TSPOAP1: variants seen among roughly 807,000 people sequenced by gnomAD.
TSPOAP1 encodes TSPO associated protein 1, also known as peripheral-type benzodiazepine receptor-associated protein 1.
In TSPOAP1, 87 loss-of-function variants were observed where a neutral mutation model predicts 197.0. That is an observed-to-expected ratio of 0.44 (90% CI 0.37 to 0.53). The LOEUF is 0.53. TSPOAP1 is among the 20% of genes least tolerant of loss of function. TSPOAP1 has a pLI of 0.00. For synonymous variants in TSPOAP1, 913 were observed against 998.9 expected, an observed-to-expected ratio of 0.91 and a Z score of 1.62; for missense variants, 2,174 against 2,411.3, an observed-to-expected ratio of 0.90 and a Z score of 2.06.
chr17:58,325,629 C>T lies in TSPOAP1; in HGVS notation c.655G>A (p.Glu219Lys). The T allele has an allele frequency of 1.2e-6, 2 of 1,613,622 alleles. No individual in the cohort carries two copies. The highest frequency in any genetic ancestry group is 1.7e-6 in the Non-Finnish European group (2 of 1,180,002). The change falls in exon 4 of 32, where the codon GAG becomes AAG. Residue 219 changes from glutamate to lysine, a missense_variant. Transcript: ENST00000343736. ...LARQRARDLS[E>K]TASALLAKDK... ...TTGGCCAGCAGTGCACTGGCTGTCT[C>T]ACTGAGGTCCCGGGCTCGCTGGCGG...
chr17:58,324,684 C>A lies in TSPOAP1; in HGVS notation c.942+127G>T. ...TGCCCAGGACGGGAAAGCTCCCCAGCCCCTGGGAGTGCGCACACCACCACT... is the reference window on the plus strand; with the variant it reads ...TGCCCAGGACGGGAAAGCTCCCCAGACCCTGGGAGTGCGCACACCACCACT... On this transcript the variant is annotated intron_variant, in intron 5 of 31. Coordinates refer to ENST00000343736, the MANE Select transcript of TSPOAP1 (RefSeq NM_004758.4). The surrounding 1 kb of genome is among the most constrained non-coding windows in gnomAD (Gnocchi z 5.8). The A allele has an allele frequency of 1.2e-6, 1 of 808,286 alleles. No homozygotes were observed. Among genetic ancestry groups the A allele is most frequent in the South Asian group, 2.9e-5 (1 of 34,186 alleles). The allele number at this position is 808,286 out of a possible 1,614,324, so 50.1% of individuals were successfully genotyped here.
At chr17:58,320,684 G>C in intron 10 of TSPOAP1, 103 bp from the exon 11 acceptor site, 1 of 888,098 alleles carries the variant, frequency 1.1e-6, no homozygotes, top group Non-Finnish European at 1.6e-6. Context: ...AGGCAGGGGA[G>C]GAAGAAGCCG....
At chr17:58,325,370 C>G (rs574455435) in intron 4 of TSPOAP1, 164 bp downstream of exon 4, 11 of 861,162 alleles carry the variant, frequency 1.3e-5, no homozygotes, top group Middle Eastern at 3.5e-4. Flanking sequence ...GGCTCCACCC[C>G]CTTCTCCCCT....
At chr17:58,325,055 C>T (rs1355217300) in intron 4 of TSPOAP1, 53 bp from the exon 5 acceptor site, 3 of 1,429,090 alleles carry the variant, frequency 2.1e-6, no homozygotes, top group Non-Finnish European at 2.8e-6. Context: ...TCCTTGCCCG[C>T]CCCATGCCAT....
intron 7 of TSPOAP1, 58 bp from the exon 8 acceptor site, chr17:58,323,097 C>G (rs1385591662): frequency 9.0e-6 from 14 of 1,554,864 alleles, no homozygotes; most frequent in Non-Finnish European, 1.2e-5. Flanking sequence ...CCCCTCTCCC[C>G]ACACAGAGGA....
chr17:58,308,095 C>G (rs990763692), intron 22 of TSPOAP1, among the ~76,000 whole-genome samples, 154 bp from the exon 23 acceptor site: 3 of 152,164 alleles, frequency 2.0e-5, no homozygotes, highest in Admixed American at 1.3e-4. Flanking sequence ...CTGGAGACCT[C>G]AGACACCCCC....
At position 58,327,655 on chromosome 17, in the gene TSPOAP1, T is replaced by A; in HGVS notation, c.266A>T (p.Gln89Leu). The A allele has an allele frequency of 6.2e-7, 1 of 1,613,684 alleles. No homozygotes were observed. Among genetic ancestry groups the A allele is most frequent in the East Asian group, 2.2e-5 (1 of 44,884 alleles). ...GGCGGGTCCAGAGCTGGATGCTTGC[T>A]GGCCCAGGCTGGGCAGACAAGCCTC... Reference protein sequence around the residue: ...GAEACLPSLGQQASSSGPACQ... With the variant: ...GAEACLPSLGLQASSSGPACQ... Residue 89 changes from glutamine to leucine, a missense_variant, in exon 1 of 32, where the codon CAG (glutamine) becomes CTG (leucine). Coordinates refer to ENST00000343736, the MANE Select transcript of TSPOAP1 (RefSeq NM_004758.4).
In TSPOAP1 at chr17:58,326,094, G is replaced by A. The variant is rs376162981; in HGVS notation, c.570+199C>T. Among the ~76,000 whole-genome samples the A allele has an allele frequency of 2.8e-4, 43 of 152,214 alleles. No homozygotes were observed. The South Asian group carries it at 8.9e-3, about 32-fold the overall frequency. On this transcript the variant is annotated intron_variant, in intron 3 of 31. Transcript: ENST00000343736. The surrounding 1 kb of genome is among the most constrained non-coding windows in gnomAD (Gnocchi z 4.7). ...GAACCTCCCCATCCAGCTCTTCTCT[G>A]CCCCCTGCAGCTCCAGAAACCTTTG...
At position 58,301,531 on chromosome 17, in the gene TSPOAP1, C is replaced by T. The variant is rs907729177; in HGVS notation, c.*949G>A. 6.5e-6 allele frequency: 1 copy of T among 152,720 alleles called. No homozygotes were observed. The highest frequency in any genetic ancestry group is 1.5e-5 in the Non-Finnish European group (1 of 68,100). The allele number at this position is 152,720 out of a possible 1,614,324, so 9.5% of individuals were successfully genotyped here. On this transcript the variant is annotated 3_prime_UTR_variant, in exon 32 of 32. Coordinates refer to ENST00000343736, the MANE Select transcript of TSPOAP1 (RefSeq NM_004758.4). ...GTTAGAAGAAAACTATGCAAAAGAA[C>T]TTGAATCCAATGAGCAAAATAAGGC...
chr17:58,309,495 C>CTTTTTTAAT lies in TSPOAP1; in HGVS notation c.3892-116_3892-115insATTAAAAAA. ...ACGAAGGCAGGGGTTACGGACAACC[C>CTTTTTTAAT]CACAGCCCTCCCACGGCTTCCTCCG... is the stretch of plus-strand genomic sequence containing the variant. On this transcript the variant is annotated intron_variant, in intron 21 of 31. Coordinates refer to ENST00000343736, the MANE Select transcript of TSPOAP1 (RefSeq NM_004758.4). This position sits in a 1 kb window ranked among gnomAD's most constrained non-coding sequence, Gnocchi z 5.0. 2.9e-6 allele frequency: 4 copies of CTTTTTTAAT among 1,373,880 alleles called. No individual in the cohort carries two copies. The highest frequency in any genetic ancestry group is 2.7e-5 in the Admixed American group (1 of 37,614). 85.1% of individuals were successfully genotyped at this position (1,373,880 alleles called of 1,614,324 possible). A position where few individuals can be genotyped will look rare whatever the true frequency, so the allele number is the denominator to read the frequency against.
In TSPOAP1 at chr17:58,311,959, G is replaced by C; in HGVS notation, c.2862C>G (p.Pro954=). Residue 954 remains proline, a synonymous_variant, in exon 17 of 32, where the codon CCC becomes CCG. Transcript: ENST00000343736. ...CCAGCCTCTCCCAGCCTGGTTCCCA[G>C]GGCCCTTGGGGTGGGAGCTGAGCCT... ...QVEAQLPPQG[P]WEPGWERLEQ... is the part of the protein sequence containing the mutation. 1 of 1,602,356 alleles carries C rather than the reference G, an allele frequency of 6.2e-7. No individual in the cohort carries two copies. The highest frequency in any genetic ancestry group is 1.1e-5 in the South Asian group (1 of 89,556).
Position 58,326,538 on chromosome 17 carries a change from G to T in TSPOAP1, c.442-117C>A, listed in dbSNP as rs1598086454. 5 of 1,547,360 alleles carry T rather than the reference G, an allele frequency of 3.2e-6. No individual in the cohort carries two copies. In the East Asian group the frequency reaches 1.1e-4, roughly 35 times the overall value. On this transcript the variant is annotated intron_variant, in intron 2 of 31. Transcript: ENST00000343736. The surrounding 1 kb of genome is among the most constrained non-coding windows in gnomAD (Gnocchi z 4.7). ...CACAGTGGGGTCCTTGGCAACTCTAGGCAGGGGTTCACCCTCTCTGGGTCT... is the reference window on the plus strand; with the variant it reads ...CACAGTGGGGTCCTTGGCAACTCTATGCAGGGGTTCACCCTCTCTGGGTCT...
Position 58,311,972 on chromosome 17 carries a change from G to A in TSPOAP1, c.2849C>T (p.Pro950Leu), listed in dbSNP as rs753827812. ...PYQAQVEAQL[P>L]PQGPWEPGWE... is the part of the protein sequence containing the mutation. ...GCCTGGTTCCCAGGGCCCTTGGGGT[G>A]GGAGCTGAGCCTCCACTTGGGCCTG... is the stretch of plus-strand genomic sequence containing the variant. The change falls in exon 17 of 32, where the codon CCA becomes CTA. Residue 950 changes from proline (P) to leucine (L), a missense_variant. By Grantham distance (98) the Pro-to-Leu change is moderately conservative. Around this residue, in one of 5 missense-constraint regions of TSPOAP1, gnomAD observed 1,933 missense variants for 2,139.0 expected, o/e 0.90. Coordinates refer to ENST00000343736, the MANE Select transcript of TSPOAP1 (RefSeq NM_004758.4). The A allele has an allele frequency of 6.2e-6, 10 of 1,608,428 alleles. No individual in the cohort carries two copies. In the African/African-American group the frequency reaches 9.3e-5, roughly 15 times the overall value.
chr17:58,311,478 G>A (rs1025317722), intron 18 of TSPOAP1, 93 bp downstream of exon 18: 2 of 1,491,104 alleles, frequency 1.3e-6, no homozygotes, highest in African/African-American at 2.8e-5. Context: ...CCAGGGGCTG[G>A]GCATCTCCGT....
chr17:58,324,068 C>T lies in TSPOAP1; in HGVS notation c.943-523G>A, dbSNP rs938711243. Among the ~76,000 whole-genome samples the T allele has an allele frequency of 1.3e-5, 2 of 152,212 alleles. No homozygotes were observed. Among genetic ancestry groups the T allele is most frequent in the African/African-American group, 2.4e-5 (1 of 41,462 alleles). On this transcript the variant is annotated intron_variant, in intron 5 of 31. Coordinates refer to ENST00000343736, the MANE Select transcript of TSPOAP1 (RefSeq NM_004758.4). This position sits in a 1 kb window ranked among gnomAD's most constrained non-coding sequence, Gnocchi z 5.8. ...CTACCACACCTTCCGATTATCCGTG[C>T]AAACTTTGGGGGAGGACAGGTCTTG... is the stretch of plus-strand genomic sequence containing the variant.
chr17:58,318,967 A>C, intron 13 of TSPOAP1, 123 bp downstream of exon 13: 1 of 1,140,316 alleles, frequency 8.8e-7, no homozygotes, highest in Non-Finnish European at 1.2e-6. Context: ...CTAGCCAGGC[A>C]CAGCTCTAAC....
chr17:58,315,620 G>A (rs1284066133), intron 16 of TSPOAP1, among the ~76,000 whole-genome samples: 2 of 152,096 alleles, frequency 1.3e-5, no homozygotes, highest in East Asian at 1.9e-4. Context: ...TTCCTCCTTC[G>A]CATACCTGAC....
intron 29 of TSPOAP1, 79 bp from the exon 30 acceptor site, chr17:58,305,250 A>G: frequency 6.8e-7 from 1 of 1,464,888 alleles, no homozygotes. Flanking sequence ...CCCCTGGGGA[A>G]CAGCTGGGGC....
chr17:58,315,013 T>C (rs746562432), intron 16 of TSPOAP1, among the ~76,000 whole-genome samples: 184 of 152,376 alleles, frequency 1.2e-3, no homozygotes, highest in Non-Finnish European at 2.5e-3. Context: ...TTAATACTTA[T>C]GCCTTTGCTG....
Sources: gnomAD v4.1 joint callset for allele counts (sites outside exome capture counted in the v4.1 genomes callset) on GRCh38, gnomAD v4.1.1 for gene constraint, gnomAD v4.1.1 regional missense constraint, Gnocchi (gnomAD v3.1) non-coding constraint, MANE v1.5 for transcripts, NCBI Gene and HGNC (gene_info 2026-07-23, HGNC 2026-07-21) for gene names.